Variants in CASZ1 observed in about 807,000 individuals in gnomAD.
CASZ1 encodes zinc finger protein castor homolog 1.
A neutral mutation model predicts 135.2 loss-of-function variants in CASZ1; 28 were observed. That is an observed-to-expected ratio of 0.21 (90% CI 0.15 to 0.28). The LOEUF (loss-of-function observed/expected upper bound fraction) is 0.28. CASZ1 is among the 10% of genes least tolerant of loss of function. The pLI, the probability that CASZ1 is intolerant of heterozygous loss-of-function variation, is 1.00. For synonymous variants in CASZ1, 1,068 were observed against 1,073.4 expected (o/e 0.99, Z 0.10); for missense variants, 2,161 against 2,453.3 (o/e 0.88, Z 2.52).
At chr1:10,644,171 C>T (rs1642293991) in intron 18 of CASZ1, among the ~76,000 whole-genome samples, 1 of 152,156 alleles carries the variant, frequency 6.6e-6, no homozygotes, top group Admixed American at 6.5e-5. Context: ...CCAGGGGCCT[C>T]TGCTGGGCGG....
intron 1 of CASZ1, among the ~76,000 whole-genome samples, chr1:10,785,117 CTTCT>C (rs781602849): frequency 6.7e-6 from 1 of 149,206 alleles, no homozygotes; most frequent in Non-Finnish European, 1.5e-5. Flanking sequence ...TCCTTCCTTC[CTTCT>C]TTCCTTTCTT....
chr1:10,761,845 G>A (rs978365656), intron 1 of CASZ1, among the ~76,000 whole-genome samples: 1 of 152,184 alleles, frequency 6.6e-6, no homozygotes, highest in Non-Finnish European at 1.5e-5. Flanking sequence ...GAACCCAGAG[G>A]GGGTGCTCGG....
At chr1:10,689,581 T>C (rs1377998989) in intron 4 of CASZ1, among the ~76,000 whole-genome samples, 1 of 152,206 alleles carries the variant, frequency 6.6e-6, no homozygotes, top group Non-Finnish European at 1.5e-5. Context: ...GACCTGCCCT[T>C]CTGCCTCTGC....
rs1444934197 is a variant in CASZ1 at position 10,762,823 on chromosome 1, G to A, written c.-233-1966C>T. 1.3e-5 allele frequency among the ~76,000 whole-genome samples: 2 copies of A among 152,166 alleles called. No individual in the cohort carries two copies. The highest frequency in any genetic ancestry group is 1.5e-5 in the Non-Finnish European group (1 of 68,020). ...GACCAGGGGCTGACCACAGGCCAAC[G>A]GTGAACACTCTCGGTGTTTCATGTC... On this transcript the variant is annotated intron_variant, in intron 1 of 20. Coordinates refer to ENST00000377022, the MANE Select transcript of CASZ1 (RefSeq NM_001079843.3). The surrounding 1 kb of genome is among the most constrained non-coding windows in gnomAD (Gnocchi z 4.1).
At chr1:10,698,387 C>T (rs1239131437) in intron 3 of CASZ1, among the ~76,000 whole-genome samples, 1 of 152,160 alleles carries the variant, frequency 6.6e-6, no homozygotes, top group Admixed American at 6.5e-5. Context: ...CCATAAATAC[C>T]GATGCCAGGG....
chr1:10,642,731 C>G, intron 20 of CASZ1, 128 bp downstream of exon 20: 1 of 1,037,632 alleles, frequency 9.6e-7, no homozygotes, highest in Middle Eastern at 3.2e-4. Context: ...CCAGCTGGCT[C>G]TGCTGCACGC....
chr1:10,648,035 G>T lies in CASZ1; in HGVS notation c.3263C>A (p.Pro1088Gln), dbSNP rs538567404. 3 of 1,602,326 alleles carry T rather than the reference G, an allele frequency of 1.9e-6. No homozygotes were observed. The change falls in exon 16 of 21, where the codon CCG becomes CAG. Residue 1088 changes from proline (P) to glutamine (Q), a missense_variant. Pro to Gln is a moderately conservative substitution (Grantham distance 76, BLOSUM62 -1). Around this residue, in one of 7 missense-constraint regions of CASZ1, gnomAD observed 349 missense variants for 460.8 expected, o/e 0.76. Coordinates refer to ENST00000377022, the MANE Select transcript of CASZ1 (RefSeq NM_001079843.3). ...CGTGGCCGTGGTGACAGGAGGGACC[G>T]GAGGGGACGAGGGGGCCATGGGAGG... is the stretch of plus-strand genomic sequence containing the variant. ...TKPPMAPSSP[P>Q]VPPVTTATVS... is the part of the protein sequence containing the mutation.
At position 10,727,365 on chromosome 1, in the gene CASZ1, G is replaced by C. The variant is rs1639616255; in HGVS notation, c.-76-21821C>G. On this transcript the variant is annotated intron_variant, in intron 2 of 20. Coordinates refer to ENST00000377022, the MANE Select transcript of CASZ1 (RefSeq NM_001079843.3). The surrounding 1 kb of genome is among the most constrained non-coding windows in gnomAD (Gnocchi z 5.3). ...TCCATGTGTGCTATTCTGGGTACCA[G>C]GTTTGCACAAGGCCTTTTAAGTCCA... Among the ~76,000 whole-genome samples, 1 of 151,948 alleles carries C rather than the reference G, an allele frequency of 6.6e-6. No individual in the cohort carries two copies. Among genetic ancestry groups the C allele is most frequent in the Non-Finnish European group, 1.5e-5 (1 of 67,968 alleles).
chr1:10,725,980 A>C lies in CASZ1; in HGVS notation c.-76-20436T>G, dbSNP rs908700253. On this transcript the variant is annotated intron_variant, in intron 2 of 20. Transcript: ENST00000377022. This position sits in a 1 kb window ranked among gnomAD's most constrained non-coding sequence, Gnocchi z 4.4. ...GAGGCTCCACCTCAGTGCACTAGGA[A>C]ATAATGGTAATAGCAATAATAATGA... Among the ~76,000 whole-genome samples, 3 of 152,130 alleles carry C rather than the reference A, an allele frequency of 2.0e-5. No homozygotes were observed. The highest frequency in any genetic ancestry group is 7.2e-5 in the African/African-American group (3 of 41,406).
At position 10,640,031 on chromosome 1, in the gene CASZ1, C is replaced by A. The variant is rs140215862; in HGVS notation, c.4191G>T (p.Ser1397=). The change falls in exon 21 of 21, where the codon TCG becomes TCT. Residue 1397 remains serine, a synonymous_variant. Transcript: ENST00000377022. ...TGATCCAGAAGCGCTTTTTGGCCCC[C>A]GAGGCTGTCGGCATAGAGATGGTGT... ...AGNTISMPTA[S]GAKKRFWIIE... 1.1e-5 allele frequency: 17 copies of A among 1,609,526 alleles called. No homozygotes were observed. The East Asian group carries it at 3.8e-4, about 36-fold the overall frequency.
In CASZ1 at chr1:10,647,254, G is replaced by A. The variant is rs1642389604; in HGVS notation, c.3497+547C>T. 5 of 994,082 alleles carry A rather than the reference G, an allele frequency of 5.0e-6. No homozygotes were observed. The highest frequency in any genetic ancestry group is 8.9e-5 in the South Asian group (2 of 22,468). 61.6% of individuals were successfully genotyped at this position (994,082 alleles called of 1,614,324 possible). On this transcript the variant is annotated intron_variant, in intron 16 of 20. Transcript: ENST00000377022. This position sits in a 1 kb window ranked among gnomAD's most constrained non-coding sequence, Gnocchi z 4.9. ...TTACTTTTATTGAGAACAGGAAGCCGCACACATGACAATACAAAGTCACCG... is the reference window on the plus strand; with the variant it reads ...TTACTTTTATTGAGAACAGGAAGCCACACACATGACAATACAAAGTCACCG...
intron 1 of CASZ1, among the ~76,000 whole-genome samples, chr1:10,789,672 A>C (rs923361923): frequency 6.6e-6 from 1 of 151,994 alleles, no homozygotes; most frequent in South Asian, 2.1e-4. Context: ...ACAATATGGA[A>C]GAAGGGCACT....
chr1:10,710,361 C>T (rs540893165), intron 2 of CASZ1, among the ~76,000 whole-genome samples: 7 of 152,286 alleles, frequency 4.6e-5, no homozygotes, highest in African/African-American at 1.7e-4. Context: ...AGGAGAAAAG[C>T]TGGCCTCCCC....
rs1316135689 is a variant in CASZ1 at position 10,794,289 on chromosome 1, G to T, written c.-234+2275C>A. ...GTCCCCTCGTGCGCTCTCACCGCGC[G>T]CCTGTACCAGCTCGGAGACGTCCTA... is the stretch of plus-strand genomic sequence containing the variant. On this transcript the variant is annotated intron_variant, in intron 1 of 20. Coordinates refer to ENST00000377022, the MANE Select transcript of CASZ1 (RefSeq NM_001079843.3). The surrounding 1 kb of genome is among the most constrained non-coding windows in gnomAD (Gnocchi z 5.6). 6.6e-6 allele frequency among the ~76,000 whole-genome samples: 1 copy of T among 152,046 alleles called. No homozygotes were observed. Among genetic ancestry groups the T allele is most frequent in the South Asian group, 2.1e-4 (1 of 4,826 alleles).
intron 8 of CASZ1, 32 bp from the exon 9 acceptor site, chr1:10,655,845 C>G: frequency 6.2e-7 from 1 of 1,605,998 alleles, no homozygotes; most frequent in Admixed American, 1.7e-5. Flanking sequence ...TGGGCAGGAG[C>G]CTGAGCTCCC....
Position 10,738,934 on chromosome 1 carries a change from T to G in CASZ1, c.-77+21767A>C, listed in dbSNP as rs556929482. On this transcript the variant is annotated intron_variant, in intron 2 of 20. Transcript: ENST00000377022. ...TGAAGGAAGGTTTTTTTTTTTTTTT[T>G]TTTTTTTTTTCACTTTTCGCTAAAG... Among the ~76,000 whole-genome samples, 454 of 149,980 alleles carry G rather than the reference T, an allele frequency of 3.0e-3. 3 individuals are homozygous for G. The highest frequency in any genetic ancestry group is 0.011 in the African/African-American group (431 of 40,666).
intron 7 of CASZ1, 63 bp downstream of exon 7, chr1:10,658,445 A>G: frequency 2.2e-6 from 3 of 1,383,418 alleles, no homozygotes; most frequent in East Asian, 2.3e-5. Flanking sequence ...ATGGCCTCAG[A>G]GTGCCCGGTC....
At chr1:10,691,092 CCT>C in intron 4 of CASZ1, among the ~76,000 whole-genome samples, 1 of 151,004 alleles carries the variant, frequency 6.6e-6, no homozygotes, top group African/African-American at 2.4e-5. Flanking sequence ...TCCCTCCCTC[CCT>C]CCCTCTCTTT....
intron 8 of CASZ1, 96 bp from the exon 9 acceptor site, chr1:10,655,909 G>T: frequency 7.7e-7 from 1 of 1,302,616 alleles, no homozygotes; most frequent in Non-Finnish European, 1.1e-6. Flanking sequence ...GCTGGCCTCA[G>T]GTCTCCCTAG....
Sources: gnomAD v4.1 joint callset for allele counts (sites outside exome capture counted in the v4.1 genomes callset) on GRCh38, gnomAD v4.1.1 for gene constraint, gnomAD v4.1.1 regional missense constraint, Gnocchi (gnomAD v3.1) non-coding constraint, MANE v1.5 for transcripts, NCBI Gene and HGNC (gene_info 2026-07-23, HGNC 2026-07-21) for gene names.